The following CMTM8 variants were observed in gnomAD, a reference collection of about 807,000 sequenced individuals.
CMTM8 encodes the protein CKLF like MARVEL transmembrane domain containing 8, also known as CKLF-like MARVEL transmembrane domain-containing protein 8.
In CMTM8, 12 loss-of-function variants were observed where a neutral mutation model predicts 18.6. That is an observed-to-expected ratio of 0.65 (90% CI 0.41 to 1.05). CMTM8 has a LOEUF of 1.05. CMTM8 is among the 50% of genes least tolerant of loss of function. The probability of loss-of-function intolerance (pLI) is 0.00; values close to 1 mark genes in which losing one functional copy is unlikely to be tolerated. For synonymous variants in CMTM8, 87 were observed against 90.6 expected, an observed-to-expected ratio of 0.96 and a Z score of 0.23; for missense variants, 217 against 227.2, an observed-to-expected ratio of 0.95 and a Z score of 0.29.
intron 1 of CMTM8, among the ~76,000 whole-genome samples, chr3:32,319,604 T>C (rs1213593399): frequency 6.6e-6 from 1 of 152,210 alleles, no homozygotes. Flanking sequence ...CTTCCAGCAT[T>C]TCCTACATGT....
At chr3:32,310,201 G>A (rs551709650) in intron 1 of CMTM8, among the ~76,000 whole-genome samples, 1 of 152,058 alleles carries the variant, frequency 6.6e-6, no homozygotes, top group African/African-American at 2.4e-5. Context: ...CTAAAGTGTG[G>A]CTTTGAAATT....
At chr3:32,250,181 T>C (rs981264209) in intron 1 of CMTM8, among the ~76,000 whole-genome samples, 57 of 152,370 alleles carry the variant, frequency 3.7e-4, no homozygotes, top group African/African-American at 1.3e-3. Context: ...CAAATGATCA[T>C]AAATATAATG....
rs149196930 is a variant in CMTM8 at position 32,270,775 on chromosome 3, C to T, written c.147+31656C>T. Among the ~76,000 whole-genome samples the T allele has an allele frequency of 5.1e-3, 773 of 152,092 alleles. 7 individuals carry two copies. The Middle Eastern group carries it at 0.054, about 11-fold the overall frequency. ...TAGGAGATATACCTGATGTAAATGA[C>T]GAGTTAATGGGTGCAGCACACCAAC... On this transcript the variant is annotated intron_variant, in intron 1 of 3. Transcript: ENST00000307526.
Position 32,260,731 on chromosome 3 carries a change from AT to A in CMTM8, c.147+21619del, listed in dbSNP as rs1702244617. Among the ~76,000 whole-genome samples the A allele has an allele frequency of 2.0e-5, 3 of 150,876 alleles. No homozygotes were observed. In the South Asian group the frequency reaches 6.3e-4, roughly 32 times the overall value. On this transcript the variant is annotated intron_variant, in intron 1 of 3. Coordinates refer to ENST00000307526, the MANE Select transcript of CMTM8 (RefSeq NM_178868.5). ...TTTCTTCTTCAAGTAGAGCTTTATAATTTTTTTCACAGTCACAGCTGGTGCC... is the reference window on the plus strand; with the variant it reads ...TTTCTTCTTCAAGTAGAGCTTTATAATTTTTTCACAGTCACAGCTGGTGCC...
At chr3:32,369,154 CA>C (rs34801738) in intron 3 of CMTM8, among the ~76,000 whole-genome samples, 57,035 of 148,776 alleles carry the variant, frequency 0.38, 10,802 homozygotes, top group East Asian at 0.53. Context: ...ACTAAAAATA[CA>C]AAAAAAAAAT....
intron 2 of CMTM8, among the ~76,000 whole-genome samples, chr3:32,363,529 G>A (rs894639044): frequency 1.3e-5 from 2 of 152,172 alleles, no homozygotes; most frequent in African/African-American, 4.8e-5. Flanking sequence ...GTGCTCAGCT[G>A]GAAACTCCGT....
intron 2 of CMTM8, among the ~76,000 whole-genome samples, 190 bp from the exon 3 acceptor site, chr3:32,367,682 G>A (rs1290200973): frequency 5.9e-5 from 9 of 152,124 alleles, no homozygotes; most frequent in African/African-American, 1.9e-4. Context: ...TTGGCATCTG[G>A]TATGAGCTGC....
intron 1 of CMTM8, among the ~76,000 whole-genome samples, chr3:32,325,687 G>A (rs904165478): frequency 6.6e-6 from 1 of 152,072 alleles, no homozygotes; most frequent in Non-Finnish European, 1.5e-5. Context: ...AATATTTCTG[G>A]TTGTGATTTT....
chr3:32,370,170 G>T lies in CMTM8; in HGVS notation c.*203G>T. On this transcript the variant is annotated 3_prime_UTR_variant, in exon 4 of 4. Transcript: ENST00000307526. ...GTTGTAGCTTATAATGAACTCTTAAGTATCTTATTAATGTATTAATGTCTT... is the reference window on the plus strand; with the variant it reads ...GTTGTAGCTTATAATGAACTCTTAATTATCTTATTAATGTATTAATGTCTT... 6.5e-6 allele frequency: 2 copies of T among 306,156 alleles called. No individual in the cohort carries two copies. The highest frequency in any genetic ancestry group is 6.1e-6 in the Non-Finnish European group (1 of 163,998). The allele number at this position is 306,156 out of a possible 1,614,324, so 19.0% of individuals were successfully genotyped here.
rs186129720 is a variant in CMTM8 at position 32,356,478 on chromosome 3, T to C, written c.148-895T>C. Among the ~76,000 whole-genome samples, 12 of 152,344 alleles carry C rather than the reference T, an allele frequency of 7.9e-5. No individual in the cohort carries two copies. In the East Asian group the frequency reaches 2.1e-3, roughly 27 times the overall value. On this transcript the variant is annotated intron_variant, in intron 1 of 3. Transcript: ENST00000307526. ...TTCCTTTTGCTTGATGAAGTCTTCC[T>C]TTAGTCAATGAGTAGTGTTACTTTG...
chr3:32,348,731 G>T (rs959353399), intron 1 of CMTM8, among the ~76,000 whole-genome samples: 4 of 151,574 alleles, frequency 2.6e-5, no homozygotes, highest in Non-Finnish European at 4.4e-5. Flanking sequence ...GAACTCCTGG[G>T]CTCAAGCAGT....
At chr3:32,249,166 C>T (rs553659789) in intron 1 of CMTM8, among the ~76,000 whole-genome samples, 4 of 150,076 alleles carry the variant, frequency 2.7e-5, no homozygotes, top group East Asian at 2.0e-4. Context: ...TCGTGGCTCA[C>T]GCCTGTAATC....
chr3:32,366,223 G>A (rs1239965315), intron 2 of CMTM8, among the ~76,000 whole-genome samples: 1 of 152,168 alleles, frequency 6.6e-6, no homozygotes, highest in Non-Finnish European at 1.5e-5. Flanking sequence ...TTCTACTCAC[G>A]TCTCTACCAA....
chr3:32,299,959 A>T (rs1043874309), intron 1 of CMTM8, among the ~76,000 whole-genome samples: 1 of 152,224 alleles, frequency 6.6e-6, no homozygotes, highest in East Asian at 1.9e-4. Context: ...CAGCCACTGT[A>T]GGTGCTGAAA....
At chr3:32,324,296 C>G (rs1438182) in intron 1 of CMTM8, among the ~76,000 whole-genome samples, 1 of 152,052 alleles carries the variant, frequency 6.6e-6, no homozygotes, top group Non-Finnish European at 1.5e-5. Flanking sequence ...AGTCTGGTAG[C>G]TGAATCTGGT....
intron 1 of CMTM8, among the ~76,000 whole-genome samples, chr3:32,354,993 G>A (rs954056134): frequency 5.9e-5 from 9 of 152,122 alleles, no homozygotes; most frequent in African/African-American, 1.9e-4. Context: ...CTTGTCTCTG[G>A]AATTCATATA....
chr3:32,328,485 C>A (rs1276412167), intron 1 of CMTM8, among the ~76,000 whole-genome samples: 2 of 55,436 alleles, frequency 3.6e-5, no homozygotes, highest in East Asian at 6.0e-4. Context: ...CTGATCGTGC[C>A]GCTGCAGTGA....
chr3:32,270,335 G>A (rs181650014), intron 1 of CMTM8, among the ~76,000 whole-genome samples: 2 of 152,218 alleles, frequency 1.3e-5, no homozygotes, highest in African/African-American at 4.8e-5. Context: ...ATCTAGAACT[G>A]GAAATACCAT....
At chr3:32,273,142 T>TGTGTGC (rs1553603069) in intron 1 of CMTM8, among the ~76,000 whole-genome samples, 2 of 151,466 alleles carry the variant, frequency 1.3e-5, no homozygotes, top group African/African-American at 2.4e-5. Context: ...TGTGTGTGTG[T>TGTGTGC]GTGTGTGTGT....
Sources: allele counts gnomAD v4.1 joint callset (sites outside exome capture counted in the v4.1 genomes callset), GRCh38; gene constraint gnomAD v4.1.1; transcripts MANE v1.5; gene names NCBI Gene and HGNC (gene_info 2026-07-23, HGNC 2026-07-21).